The following CTSO variants were observed in gnomAD, a reference collection of about 807,000 sequenced individuals.
The protein encoded by CTSO is cathepsin O.
A neutral mutation model predicts 42.4 loss-of-function variants in CTSO; 40 were observed. That is an observed-to-expected ratio of 0.94 (90% CI 0.73 to 1.23). CTSO has a LOEUF of 1.23. Ranked by LOEUF, CTSO falls within the 50% of genes most tolerant of loss-of-function variation. The pLI, the probability that CTSO is intolerant of heterozygous loss-of-function variation, is 0.00. For missense variants in CTSO, 441 were observed against 396.0 expected (o/e 1.11, Z -0.96); for synonymous variants, 156 against 146.2 (o/e 1.07, Z -0.48).
intron 1 of CTSO, among the ~76,000 whole-genome samples, chr4:155,950,921 G>A (rs6857168): frequency 0.73 from 110,371 of 151,444 alleles, 40,867 homozygotes; most frequent in South Asian, 0.91. Context: ...AAAGTTTGGG[G>A]ACCACTGAGG....
Position 155,929,712 on chromosome 4 carries a change from A to C in CTSO, c.675-7T>G, listed in dbSNP as rs202136346. 2.4e-4 allele frequency: 388 copies of C among 1,601,778 alleles called. 1 individual carries two copies. In the African/African-American group the frequency reaches 4.4e-3, roughly 18 times the overall value. ...CATTTCATCTTCTTGGTCACTACCA[A>C]AAGAGGAAATATTTGGTTAGAAAAT... On this transcript the variant is annotated splice_polypyrimidine_tract_variant and splice_region_variant and intron_variant, in intron 5 of 7. Transcript: ENST00000433477.
intron 5 of CTSO, among the ~76,000 whole-genome samples, chr4:155,932,200 G>A (rs6853469): frequency 6.6e-6 from 1 of 151,992 alleles, no homozygotes; most frequent in African/African-American, 2.4e-5. Flanking sequence ...TATTTTAGAT[G>A]ATTTTTTTCC....
intron 3 of CTSO, among the ~76,000 whole-genome samples, chr4:155,941,986 C>T (rs1278448887): frequency 6.6e-6 from 1 of 151,856 alleles, no homozygotes; most frequent in Non-Finnish European, 1.5e-5. Context: ...TGCTATTGTA[C>T]AGAAAGCTTG....
At chr4:155,926,709 T>C (rs1314887695) in intron 7 of CTSO, among the ~76,000 whole-genome samples, 1 of 152,202 alleles carries the variant, frequency 6.6e-6, no homozygotes, top group Non-Finnish European at 1.5e-5. Context: ...AATCCCTGTA[T>C]GATTACCAAC....
intron 3 of CTSO, among the ~76,000 whole-genome samples, chr4:155,940,742 C>T: frequency 6.6e-6 from 1 of 151,970 alleles, no homozygotes; most frequent in African/African-American, 2.4e-5. Flanking sequence ...ACTAAGGAGG[C>T]TGAGGCAGGA....
At chr4:155,945,059 C>T (rs1173556160) in intron 1 of CTSO, among the ~76,000 whole-genome samples, 1 of 151,186 alleles carries the variant, frequency 6.6e-6, no homozygotes, top group African/African-American at 2.4e-5. Flanking sequence ...GAGTTCGAGA[C>T]CAGCCTCGCC....
intron 1 of CTSO, among the ~76,000 whole-genome samples, chr4:155,951,885 C>G (rs1743680988): frequency 6.6e-6 from 1 of 152,156 alleles, no homozygotes; most frequent in African/African-American, 2.4e-5. Context: ...CATCCCAAAT[C>G]CATCCATCTC....
chr4:155,943,337 G>T, intron 1 of CTSO, 73 bp from the exon 2 acceptor site: 1 of 852,008 alleles, frequency 1.2e-6, no homozygotes, highest in South Asian at 1.8e-5. Context: ...TAACTAACTT[G>T]GAGAAATTTT....
At chr4:155,927,495 C>T (rs186636536) in intron 7 of CTSO, among the ~76,000 whole-genome samples, 16 of 152,254 alleles carry the variant, frequency 1.1e-4, no homozygotes, top group South Asian at 8.3e-4. Context: ...TCAGGCTGGG[C>T]GTGGTGGCTC....
intron 1 of CTSO, among the ~76,000 whole-genome samples, chr4:155,951,766 C>A (rs1189813271): frequency 6.6e-6 from 1 of 152,130 alleles, no homozygotes; most frequent in Admixed American, 6.5e-5. Flanking sequence ...ACCAAGGAGG[C>A]AAGGCCCTTT....
At position 155,924,818 on chromosome 4, in the gene CTSO, G is replaced by A. The variant is rs1003667066; in HGVS notation, c.*1218C>T. ...TAGGATCATCGATCACTGTGTGGACGCAGGCTAATCAGAATTGCACCTGAA... is the reference window on the plus strand; with the variant it reads ...TAGGATCATCGATCACTGTGTGGACACAGGCTAATCAGAATTGCACCTGAA... On this transcript the variant is annotated 3_prime_UTR_variant, in exon 8 of 8. Transcript: ENST00000433477. 1 of 152,256 alleles carries A rather than the reference G, an allele frequency of 6.6e-6. No homozygotes were observed. Among genetic ancestry groups the A allele is most frequent in the Middle Eastern group, 3.4e-3 (1 of 296 alleles). The allele number at this position is 152,256 out of a possible 1,614,324, so 9.4% of individuals were successfully genotyped here.
chr4:155,949,058 G>C (rs1331605267), intron 1 of CTSO, among the ~76,000 whole-genome samples: 1 of 152,184 alleles, frequency 6.6e-6, no homozygotes, highest in African/African-American at 2.4e-5. Context: ...TCTCTACAAG[G>C]AAAGTTCTCA....
intron 1 of CTSO, among the ~76,000 whole-genome samples, chr4:155,953,510 G>T (rs1743713788): frequency 6.6e-6 from 1 of 152,186 alleles, no homozygotes; most frequent in African/African-American, 2.4e-5. Context: ...GGTTAGCAAA[G>T]GCATGGGGGA....
chr4:155,926,076 G>GA lies in CTSO; in HGVS notation c.932-7_932-6insT. On this transcript the variant is annotated splice_region_variant and splice_polypyrimidine_tract_variant and intron_variant, in intron 7 of 7. Coordinates refer to ENST00000433477, the MANE Select transcript of CTSO (RefSeq NM_001334.3). ...AGAAACGGAATCTGCAATACCTAAG[G>GA]GAAAAAAAAGGAATTATTAGTCTAT... The GA allele has an allele frequency of 6.8e-7, 1 of 1,478,696 alleles. No individual in the cohort carries two copies. Among genetic ancestry groups the GA allele is most frequent in the Non-Finnish European group, 9.1e-7 (1 of 1,102,890 alleles). 91.6% of individuals were successfully genotyped at this position (1,478,696 alleles called of 1,614,324 possible).
At chr4:155,953,231 C>A (rs1303254819) in intron 1 of CTSO, among the ~76,000 whole-genome samples, 1 of 152,066 alleles carries the variant, frequency 6.6e-6, no homozygotes, top group Non-Finnish European at 1.5e-5. Flanking sequence ...TGGCTAAAGA[C>A]AGGCTCTTTG....
intron 1 of CTSO, among the ~76,000 whole-genome samples, chr4:155,945,100 T>C (rs964742513): frequency 2.7e-5 from 4 of 150,638 alleles, no homozygotes; most frequent in Admixed American, 6.6e-5. Flanking sequence ...CTACTAAAAA[T>C]ACAAAAATTA....
intron 1 of CTSO, among the ~76,000 whole-genome samples, chr4:155,943,980 A>G (rs1016947152): frequency 3.9e-5 from 6 of 152,248 alleles, no homozygotes; most frequent in African/African-American, 1.4e-4. Context: ...CATAGAATAA[A>G]TAAAATTTCA....
At chr4:155,943,111 A>C (rs1417889445) in intron 2 of CTSO, 45 bp downstream of exon 2, 2 of 1,117,264 alleles carry the variant, frequency 1.8e-6, no homozygotes, top group East Asian at 4.7e-5. Flanking sequence ...TTAAGCAAGC[A>C]AATTAAAATC....
intron 5 of CTSO, among the ~76,000 whole-genome samples, chr4:155,934,203 G>A (rs1438703210): frequency 6.6e-6 from 1 of 152,182 alleles, no homozygotes; most frequent in Non-Finnish European, 1.5e-5. Context: ...GGCCAACATA[G>A]AGCTCAGGCT....
Sources: allele counts gnomAD v4.1 joint callset (sites outside exome capture counted in the v4.1 genomes callset), GRCh38; gene constraint gnomAD v4.1.1; transcripts MANE v1.5; gene names NCBI Gene and HGNC (gene_info 2026-07-23, HGNC 2026-07-21).